CDH4: variants seen among roughly 807,000 people sequenced by gnomAD.
The protein encoded by CDH4 is cadherin 4.
A neutral mutation model predicts 86.0 loss-of-function variants in CDH4; 33 were observed. That is an observed-to-expected ratio of 0.38 (90% CI 0.29 to 0.51). CDH4 has a LOEUF of 0.51. Among genes scored for constraint, CDH4 ranks in the 20% least tolerant of loss-of-function variants. The pLI, the probability that CDH4 is intolerant of heterozygous loss-of-function variation, is 0.86. For missense variants in CDH4, 1,114 were observed against 1,307.4 expected (o/e 0.85, Z 2.28); for synonymous variants, 555 against 549.4 (o/e 1.01, Z -0.14).
At chr20:61,919,768 G>A (rs940304762) in intron 9 of CDH4, among the ~76,000 whole-genome samples, 12 of 152,166 alleles carry the variant, frequency 7.9e-5, no homozygotes, top group East Asian at 7.7e-4. Flanking sequence ...GCGTGGAAGC[G>A]TGGTGTCGCG....
chr20:61,402,296 C>A (rs1363076637), intron 2 of CDH4, among the ~76,000 whole-genome samples: 1 of 152,112 alleles, frequency 6.6e-6, no homozygotes, highest in East Asian at 1.9e-4. Flanking sequence ...ACTTATAATA[C>A]CAAATGCAAT....
chr20:61,601,816 C>T (rs373649589), intron 2 of CDH4, among the ~76,000 whole-genome samples: 1 of 152,220 alleles, frequency 6.6e-6, no homozygotes, highest in African/African-American at 2.4e-5. Context: ...TCCTGGTGCC[C>T]GTGGATGCCC....
chr20:61,653,826 T>C (rs2087156044), intron 2 of CDH4, among the ~76,000 whole-genome samples: 1 of 105,926 alleles, frequency 9.4e-6, no homozygotes, highest in Admixed American at 9.5e-5. Flanking sequence ...CTAGATGGGA[T>C]GGCGGCCGGG....
At chr20:61,626,072 A>C (rs973790785) in intron 2 of CDH4, among the ~76,000 whole-genome samples, 1 of 152,230 alleles carries the variant, frequency 6.6e-6, no homozygotes, top group African/African-American at 2.4e-5. Flanking sequence ...ATATTTGAGC[A>C]CTTACCGTGT....
At chr20:61,255,052 G>A in intron 2 of CDH4, 115 bp downstream of exon 2, 1 of 710,870 alleles carries the variant, frequency 1.4e-6, no homozygotes, top group Non-Finnish European at 2.6e-6. Context: ...TGAAATGATG[G>A]TGGTGAAGTC....
Position 61,842,904 on chromosome 20 carries a change from TG to T in CDH4, c.577-1763del, listed in dbSNP as rs1475784917. ...CAGGCACTCTACCTCTGGGCTTCAC[TG>T]TATAACAGTCGCGTTGTTATATTAT... On this transcript the variant is annotated intron_variant, in intron 4 of 15. Coordinates refer to ENST00000614565, the MANE Select transcript of CDH4 (RefSeq NM_001794.5). Among the ~76,000 whole-genome samples the T allele has an allele frequency of 2.0e-5, 3 of 152,338 alleles. No homozygotes were observed. The East Asian group carries it at 5.8e-4, about 29-fold the overall frequency.
intron 8 of CDH4, among the ~76,000 whole-genome samples, chr20:61,900,389 C>T (rs1985338034): frequency 1.3e-5 from 2 of 152,162 alleles, no homozygotes; most frequent in South Asian, 2.1e-4. Flanking sequence ...CCAACTTTTC[C>T]GAGCACAGAG....
chr20:61,839,828 CTG>C (rs956261177), intron 4 of CDH4, among the ~76,000 whole-genome samples: 19 of 149,326 alleles, frequency 1.3e-4, no homozygotes, highest in South Asian at 4.3e-4. Context: ...TGTTGTGTGT[CTG>C]TGTGTAGGTA....
chr20:61,910,611 C>T lies in CDH4; in HGVS notation c.1374+4C>T, dbSNP rs758039315. 2.2e-5 allele frequency: 35 copies of T among 1,610,928 alleles called. No individual in the cohort carries two copies. Among genetic ancestry groups the T allele is most frequent in the South Asian group, 6.6e-5 (6 of 91,042 alleles). On this transcript the variant is annotated splice_donor_region_variant and intron_variant, in intron 9 of 15. Coordinates refer to ENST00000614565, the MANE Select transcript of CDH4 (RefSeq NM_001794.5). ...GGGCATGGTCACCGTGGTGAAGGTG[C>T]GTACTCTTCTCACACCCTGCCAGGC... is the stretch of plus-strand genomic sequence containing the variant.
chr20:61,610,660 AT>A lies in CDH4; in HGVS notation c.170-132897del, dbSNP rs557912605. ...CTTTCCCTGCCTCCTTGCCGGCAGGATTTTTTCTGTTGGGTGAGGTCATATT... is the reference window on the plus strand; with the variant it reads ...CTTTCCCTGCCTCCTTGCCGGCAGGATTTTTCTGTTGGGTGAGGTCATATT... On this transcript the variant is annotated intron_variant, in intron 2 of 15. Coordinates refer to ENST00000614565, the MANE Select transcript of CDH4 (RefSeq NM_001794.5). Among the ~76,000 whole-genome samples the A allele has an allele frequency of 3.6e-3, 541 of 151,790 alleles. 1 individual carries two copies. Among genetic ancestry groups the A allele is most frequent in the African/African-American group, 0.013 (527 of 41,376 alleles).
At chr20:61,586,072 GGAAGATGATGGTGAT>G (rs777034640) in intron 2 of CDH4, among the ~76,000 whole-genome samples, 81 of 149,082 alleles carry the variant, frequency 5.4e-4, no homozygotes, top group Admixed American at 2.6e-3. Context: ...GTGGTGATGG[GGAAGATGATGGTGAT>G]GAAGATGATG....
intron 9 of CDH4, among the ~76,000 whole-genome samples, chr20:61,919,021 C>T (rs998757827): frequency 3.3e-5 from 5 of 152,174 alleles, no homozygotes; most frequent in Non-Finnish European, 5.9e-5. Context: ...CAGGTGTGTG[C>T]TACCACGCTC....
intron 2 of CDH4, among the ~76,000 whole-genome samples, chr20:61,411,862 G>A (rs2145491872): frequency 6.6e-6 from 1 of 152,352 alleles, no homozygotes; most frequent in East Asian, 1.9e-4. Context: ...AGTGCCCACA[G>A]GCAGTGGGGC....
At chr20:61,824,626 C>T (rs1478665714) in intron 4 of CDH4, among the ~76,000 whole-genome samples, 1 of 152,176 alleles carries the variant, frequency 6.6e-6, no homozygotes, top group Non-Finnish European at 1.5e-5. Flanking sequence ...AGCATGAACA[C>T]TTGGTAGAAA....
intron 5 of CDH4, among the ~76,000 whole-genome samples, chr20:61,846,628 A>G (rs911869638): frequency 6.6e-6 from 1 of 152,158 alleles, no homozygotes; most frequent in African/African-American, 2.4e-5. Flanking sequence ...TAGAGACAGA[A>G]ATAAAGAGAG....
At chr20:61,644,847 C>A (rs1167003584) in intron 2 of CDH4, among the ~76,000 whole-genome samples, 2 of 152,226 alleles carry the variant, frequency 1.3e-5, no homozygotes. Flanking sequence ...GCCTGTCCAG[C>A]CTGCAGAAAA....
chr20:61,758,126 G>C (rs986413819), intron 3 of CDH4, among the ~76,000 whole-genome samples: 1 of 152,236 alleles, frequency 6.6e-6, no homozygotes, highest in African/African-American at 2.4e-5. Context: ...GGCACATTCA[G>C]AGTCAGGTGA....
At chr20:61,404,847 A>G (rs1348374324) in intron 2 of CDH4, among the ~76,000 whole-genome samples, 1 of 151,918 alleles carries the variant, frequency 6.6e-6, no homozygotes, top group Admixed American at 6.6e-5. Flanking sequence ...TCAGGAGATC[A>G]AGAACATCCT....
chr20:61,594,082 T>A (rs1223869787), intron 2 of CDH4, among the ~76,000 whole-genome samples: 1 of 40,264 alleles, frequency 2.5e-5, no homozygotes, highest in African/African-American at 1.1e-4. Context: ...TGGGGAAGGG[T>A]GTGGGAACTG....
Sources: allele counts gnomAD v4.1 joint callset (sites outside exome capture counted in the v4.1 genomes callset), GRCh38; gene constraint gnomAD v4.1.1; transcripts MANE v1.5; gene names NCBI Gene and HGNC (gene_info 2026-07-23, HGNC 2026-07-21).